Variants in B3GALT1 observed in about 807,000 individuals in gnomAD.
B3GALT1 encodes beta-1,3-galactosyltransferase 1, also known as UDP-Gal:betaGlcNAc beta 1,3-galactosyltransferase, polypeptide 1.
B3GALT1 carries 10 observed loss-of-function variants against 23.2 expected under a neutral mutation model. That is an observed-to-expected ratio of 0.43 (90% CI 0.27 to 0.73). The LOEUF (loss-of-function observed/expected upper bound fraction) is 0.73, where lower values mean the gene tolerates loss of function less well. B3GALT1 is among the 30% of genes least tolerant of loss of function. The pLI is 0.21. For missense variants in B3GALT1, 299 were observed against 405.4 expected, an observed-to-expected ratio of 0.74 and a Z score of 2.25; for synonymous variants, 156 against 141.5, an observed-to-expected ratio of 1.10 and a Z score of -0.73.
chr2:167,783,262 A>G (rs1688277852), intron 3 of B3GALT1, among the ~76,000 whole-genome samples: 1 of 152,076 alleles, frequency 6.6e-6, no homozygotes. Context: ...GAGTACACGG[A>G]GGGAAAAAAT....
At chr2:167,403,960 A>C (rs1374701715) in intron 1 of B3GALT1, among the ~76,000 whole-genome samples, 1 of 152,116 alleles carries the variant, frequency 6.6e-6, no homozygotes, top group Non-Finnish European at 1.5e-5. Flanking sequence ...AATATAAGAA[A>C]GTTGTGTTAG....
At chr2:167,811,899 T>C (rs1254876801) in intron 3 of B3GALT1, among the ~76,000 whole-genome samples, 1 of 152,242 alleles carries the variant, frequency 6.6e-6, no homozygotes, top group Non-Finnish European at 1.5e-5. Flanking sequence ...AGAGATACTA[T>C]TGCTGTTTCA....
chr2:167,728,712 A>T (rs1687360037), intron 3 of B3GALT1, among the ~76,000 whole-genome samples: 1 of 152,242 alleles, frequency 6.6e-6, no homozygotes, highest in South Asian at 2.1e-4. Flanking sequence ...TTTCCATATC[A>T]TTAAATATCC....
At chr2:167,569,557 G>GT (rs1185005816) in intron 2 of B3GALT1, among the ~76,000 whole-genome samples, 1 of 151,800 alleles carries the variant, frequency 6.6e-6, no homozygotes, top group Non-Finnish European at 1.5e-5. Context: ...AGTTCTGGAA[G>GT]TTTTTTGTTG....
At chr2:167,409,842 G>A (rs1039128269) in intron 1 of B3GALT1, among the ~76,000 whole-genome samples, 3 of 151,948 alleles carry the variant, frequency 2.0e-5, no homozygotes, top group Non-Finnish European at 4.4e-5. Context: ...GTGTAAATTA[G>A]TTCAACCATT....
At chr2:167,479,949 G>A (rs530705015) in intron 1 of B3GALT1, among the ~76,000 whole-genome samples, 1 of 152,088 alleles carries the variant, frequency 6.6e-6, no homozygotes, top group South Asian at 2.1e-4. Context: ...GTGGAAAATG[G>A]CCCTCATGCG....
intron 3 of B3GALT1, among the ~76,000 whole-genome samples, chr2:167,806,397 G>A (rs1688754244): frequency 6.6e-6 from 1 of 152,162 alleles, no homozygotes; most frequent in African/African-American, 2.4e-5. Flanking sequence ...GGGCATCCCT[G>A]CCTTGTGCCA....
In B3GALT1 at chr2:167,825,461, CACGTGTGT is replaced by C. The variant is rs1302435668; in HGVS notation, c.-230+6669_-230+6676del. ...GGGTGTGTGTGTGTGTGTGTGCGTG[CACGTGTGT>C]GTGTGTGTTATATATAAATTATATA... On this transcript the variant is annotated intron_variant, in intron 4 of 4. Transcript: ENST00000392690. 2.3e-3 allele frequency among the ~76,000 whole-genome samples: 290 copies of C among 123,570 alleles called. 2 individuals are homozygous for C. The highest frequency in any genetic ancestry group is 8.6e-3 in the African/African-American group (279 of 32,372). The allele number at this position is 123,570 out of a possible 152,430, so 81.1% of individuals were successfully genotyped here.
At chr2:167,845,124 C>T (rs188704994) in intron 4 of B3GALT1, among the ~76,000 whole-genome samples, 9 of 152,212 alleles carry the variant, frequency 5.9e-5, no homozygotes, top group Admixed American at 3.9e-4. Flanking sequence ...AGACACGCCT[C>T]CCACTGCCCC....
At chr2:167,823,902 G>A (rs549560195) in intron 4 of B3GALT1, among the ~76,000 whole-genome samples, 4 of 152,286 alleles carry the variant, frequency 2.6e-5, no homozygotes, top group African/African-American at 9.6e-5. Context: ...TTAGCAGTGT[G>A]CTTGACACTT....
chr2:167,348,686 G>A (rs182914462), intron 1 of B3GALT1, among the ~76,000 whole-genome samples: 224 of 152,126 alleles, frequency 1.5e-3, no homozygotes, highest in South Asian at 2.9e-3. Context: ...CATTCAGGAT[G>A]TAAGGCATTT....
rs200701662 is a variant in B3GALT1, at chr2:167,704,073, C to T, written c.-352+57107C>T. ...TCAGGCGCCTGTAGTCCCAGCTACT[C>T]GGGAGGCTGAGGCAGGGGAATGGCG... is the stretch of plus-strand genomic sequence containing the variant. On this transcript the variant is annotated intron_variant, in intron 3 of 4. Transcript: ENST00000392690. Among the ~76,000 whole-genome samples the T allele has an allele frequency of 3.9e-4, 58 of 148,306 alleles. No individual in the cohort carries two copies. The East Asian group carries it at 6.4e-3, about 16-fold the overall frequency.
In B3GALT1 at chr2:167,726,027, T is replaced by C. The variant is rs547716263; in HGVS notation, c.-352+79061T>C. On this transcript the variant is annotated intron_variant, in intron 3 of 4. Coordinates refer to ENST00000392690, the MANE Select transcript of B3GALT1 (RefSeq NM_020981.4). ...GGATCAAATATGCTTTAACAGATCT[T>C]GGGCCTTTAAGACAGAGATATGTTG... Among the ~76,000 whole-genome samples, 10 of 152,326 alleles carry C rather than the reference T, an allele frequency of 6.6e-5. No individual in the cohort carries two copies. The South Asian group carries it at 1.0e-3, about 16-fold the overall frequency.
At chr2:167,704,295 G>A (rs900042093) in intron 3 of B3GALT1, among the ~76,000 whole-genome samples, 1 of 151,138 alleles carries the variant, frequency 6.6e-6, no homozygotes, top group African/African-American at 2.4e-5. Context: ...GAAGTATAAT[G>A]ATGTAGTTTT....
chr2:167,351,106 T>TA (rs1378892395), intron 1 of B3GALT1, among the ~76,000 whole-genome samples: 1 of 151,690 alleles, frequency 6.6e-6, no homozygotes, highest in Non-Finnish European at 1.5e-5. Context: ...CTGTCTCTAT[T>TA]AAAAATATAA....
At chr2:167,508,168 A>G (rs2105352151) in intron 2 of B3GALT1, among the ~76,000 whole-genome samples, 1 of 152,162 alleles carries the variant, frequency 6.6e-6, no homozygotes, top group East Asian at 1.9e-4. Context: ...TGAAGGTATG[A>G]ACTTTAGGCG....
At chr2:167,758,509 CT>C (rs1395086704) in intron 3 of B3GALT1, among the ~76,000 whole-genome samples, 1 of 152,164 alleles carries the variant, frequency 6.6e-6, no homozygotes, top group Non-Finnish European at 1.5e-5. Flanking sequence ...TGGATCCTCA[CT>C]AAGGACACAT....
chr2:167,430,355 G>T (rs1698688581), intron 1 of B3GALT1, among the ~76,000 whole-genome samples: 1 of 152,154 alleles, frequency 6.6e-6, no homozygotes, highest in Admixed American at 6.5e-5. Flanking sequence ...TAAACACCTT[G>T]TCGCCTTCTG....
At chr2:167,584,845 C>T (rs1222385596) in intron 2 of B3GALT1, among the ~76,000 whole-genome samples, 5 of 152,148 alleles carry the variant, frequency 3.3e-5, no homozygotes, top group African/African-American at 4.8e-5. Flanking sequence ...CACTACCCTC[C>T]GGGAATCTCC....
Sources: gnomAD v4.1 joint callset for allele counts (sites outside exome capture counted in the v4.1 genomes callset) on GRCh38, gnomAD v4.1.1 for gene constraint, MANE v1.5 for transcripts, NCBI Gene and HGNC (gene_info 2026-07-23, HGNC 2026-07-21) for gene names.